The following RAB7A variants were observed in gnomAD, a reference collection of about 807,000 sequenced individuals.
The protein encoded by RAB7A is ras-related protein Rab-7a.
Under a neutral mutation model 24.5 loss-of-function variants are expected in RAB7A, and 2 were observed. That is an observed-to-expected ratio of 0.08 (90% CI 0.03 to 0.26). The LOEUF is 0.26. Ranked by LOEUF, RAB7A falls within the 10% of genes least tolerant of loss-of-function variation. RAB7A has a pLI of 1.00. For synonymous variants in RAB7A, 100 were observed against 95.9 expected, an observed-to-expected ratio of 1.04 and a Z score of -0.25; for missense variants, 118 against 255.7, an observed-to-expected ratio of 0.46 and a Z score of 3.67.
chr3:128,747,892 C>G (rs2070634690), intron 1 of RAB7A, among the ~76,000 whole-genome samples: 1 of 151,560 alleles, frequency 6.6e-6, no homozygotes, highest in South Asian at 2.1e-4. Context: ...CTCAGCCTCC[C>G]AAGTAGTTGG....
chr3:128,763,208 A>ATATATATATATATTT (rs373993932), intron 1 of RAB7A, among the ~76,000 whole-genome samples: 6 of 76,060 alleles, frequency 7.9e-5, no homozygotes, highest in African/African-American at 4.1e-4. Context: ...ATATATATAT[A>ATATATATATATATTT]TTTTTTTTTT....
At chr3:128,726,842 G>C (rs983268467) in intron 1 of RAB7A, among the ~76,000 whole-genome samples, 2 of 152,224 alleles carry the variant, frequency 1.3e-5, no homozygotes, top group African/African-American at 4.8e-5. Context: ...CTGTTAGTGG[G>C]AGTTCCCTGA....
intron 1 of RAB7A, among the ~76,000 whole-genome samples, chr3:128,773,051 A>G (rs1488921974): frequency 5.3e-5 from 8 of 150,886 alleles, no homozygotes; most frequent in Non-Finnish European, 8.8e-5. Context: ...CTGGCTGCCC[A>G]TCGTCTGGGA....
chr3:128,746,027 G>T (rs761431399), intron 1 of RAB7A, among the ~76,000 whole-genome samples: 51 of 152,192 alleles, frequency 3.4e-4, no homozygotes, highest in Non-Finnish European at 6.3e-4. Context: ...GGATCTTGTT[G>T]CTTTCTATTC....
intron 1 of RAB7A, among the ~76,000 whole-genome samples, chr3:128,781,852 A>G (rs1305855338): frequency 1.3e-5 from 2 of 152,128 alleles, no homozygotes; most frequent in Non-Finnish European, 2.9e-5. Context: ...GTCTCTACCA[A>G]AAATACAAAA....
intron 1 of RAB7A, among the ~76,000 whole-genome samples, chr3:128,780,494 A>G (rs1003003446): frequency 2.6e-5 from 4 of 152,226 alleles, no homozygotes; most frequent in Admixed American, 1.3e-4. Context: ...TTACCAGCTT[A>G]TAGAGAACTG....
At chr3:128,781,632 A>G (rs760132648) in intron 1 of RAB7A, among the ~76,000 whole-genome samples, 23 of 152,144 alleles carry the variant, frequency 1.5e-4, no homozygotes, top group Non-Finnish European at 1.2e-4. Flanking sequence ...ATCATGCTCT[A>G]CTGCACTCCA....
intron 1 of RAB7A, among the ~76,000 whole-genome samples, chr3:128,781,678 CA>C (rs1933225256): frequency 6.6e-6 from 1 of 151,616 alleles, no homozygotes; most frequent in Admixed American, 6.6e-5. Context: ...TCTGAAAAAA[CA>C]AAAAACAGTT....
chr3:128,733,483 G>T (rs1046426041), intron 1 of RAB7A, among the ~76,000 whole-genome samples: 1 of 152,276 alleles, frequency 6.6e-6, no homozygotes, highest in South Asian at 2.1e-4. Flanking sequence ...TAGGGCTGCC[G>T]TAACAAGTAT....
At chr3:128,741,961 T>G (rs987703428) in intron 1 of RAB7A, among the ~76,000 whole-genome samples, 7 of 152,058 alleles carry the variant, frequency 4.6e-5, no homozygotes, top group Non-Finnish European at 1.0e-4. Flanking sequence ...AGCTAGTATG[T>G]CCGGAATTGG....
At chr3:128,795,854 C>T (rs1297209588) in intron 2 of RAB7A, among the ~76,000 whole-genome samples, 1 of 149,748 alleles carries the variant, frequency 6.7e-6, no homozygotes, top group African/African-American at 2.5e-5. Flanking sequence ...CGGATTCACG[C>T]CATTCTCCTG....
chr3:128,797,349 C>T (rs1416304908), intron 2 of RAB7A, among the ~76,000 whole-genome samples: 3 of 152,198 alleles, frequency 2.0e-5, no homozygotes, highest in Non-Finnish European at 4.4e-5. Context: ...ACAAAAATCA[C>T]ACATTGTCTC....
In RAB7A at chr3:128,763,208, ATTTTTTTTTTTT is replaced by A. The variant is rs1174944964; in HGVS notation, c.-8-32139_-8-32128del. Among the ~76,000 whole-genome samples, 85 of 76,064 alleles carry A rather than the reference ATTTTTTTTTTTT, an allele frequency of 1.1e-3. 1 individual carries two copies. The highest frequency in any genetic ancestry group is 6.9e-3 in the African/African-American group (84 of 12,256). The allele number at this position is 76,064 out of a possible 152,430, so 49.9% of individuals were successfully genotyped here. On this transcript the variant is annotated intron_variant, in intron 1 of 5. Coordinates refer to ENST00000265062, the MANE Select transcript of RAB7A (RefSeq NM_004637.6). ...TTAGCTTATATATATATATATATAT[ATTTTTTTTTTTT>A]TTTTTTTTTTTTGAGACGGAGTCTC...
intron 1 of RAB7A, among the ~76,000 whole-genome samples, chr3:128,743,852 T>C (rs138830953): frequency 0.053 from 8,072 of 151,172 alleles, 231 homozygotes; most frequent in Non-Finnish European, 0.058. Flanking sequence ...TGTAGTGGCA[T>C]GATTTCGGCT....
chr3:128,767,199 C>T (rs986325089), intron 1 of RAB7A, among the ~76,000 whole-genome samples: 7 of 152,186 alleles, frequency 4.6e-5, no homozygotes, highest in African/African-American at 1.7e-4. Context: ...CAACTAGTCT[C>T]CTGAGGAGTT....
rs141630064 is a variant in RAB7A, at chr3:128,781,591, C to G, written c.-8-13769C>G. Among the ~76,000 whole-genome samples the G allele has an allele frequency of 2.6e-5, 4 of 152,284 alleles. No homozygotes were observed. The East Asian group carries it at 7.7e-4, about 29-fold the overall frequency. On this transcript the variant is annotated intron_variant, in intron 1 of 5. Coordinates refer to ENST00000265062, the MANE Select transcript of RAB7A (RefSeq NM_004637.6). The stretch of plus-strand genomic sequence containing the variant: ...TTCAAGAGGCCAAGGGTGGGAGGAT[C>G]TCTTGAGCCCCGGCGGTCGAGGCTG...
chr3:128,766,632 G>T (rs531941336), intron 1 of RAB7A, among the ~76,000 whole-genome samples: 5 of 151,994 alleles, frequency 3.3e-5, no homozygotes, highest in African/African-American at 9.7e-5. Flanking sequence ...TTGGTTGGTT[G>T]GTTTGTTTGT....
In RAB7A at chr3:128,751,361, C is replaced by T. The variant is rs187715755; in HGVS notation, c.-9+25002C>T. ...AGGGAGGCTGTACCCTGCAAAGCCT[C>T]AGGGGTGGAGCTGCCCAAGACCATG... On this transcript the variant is annotated intron_variant, in intron 1 of 5. Coordinates refer to ENST00000265062, the MANE Select transcript of RAB7A (RefSeq NM_004637.6). Among the ~76,000 whole-genome samples the T allele has an allele frequency of 1.8e-4, 28 of 152,324 alleles. No individual in the cohort carries two copies. The East Asian group carries it at 4.6e-3, about 25-fold the overall frequency.
chr3:128,756,558 AC>A (rs2070731066), intron 1 of RAB7A, among the ~76,000 whole-genome samples: 1 of 152,196 alleles, frequency 6.6e-6, no homozygotes, highest in Non-Finnish European at 1.5e-5. Flanking sequence ...TTAAAAACTT[AC>A]TATTGTTAGG....
Sources: gnomAD v4.1 joint callset for allele counts (sites outside exome capture counted in the v4.1 genomes callset) on GRCh38, gnomAD v4.1.1 for gene constraint, MANE v1.5 for transcripts, NCBI Gene and HGNC (gene_info 2026-07-23, HGNC 2026-07-21) for gene names.